The following DENND1B variants were observed in gnomAD, a reference collection of about 807,000 sequenced individuals.
DENND1B encodes DENN domain-containing protein 1B.
DENND1B carries 59 observed loss-of-function variants against 90.1 expected under a neutral mutation model. The ratio of observed to expected loss-of-function variants is 0.65; its 90% CI spans 0.53 to 0.81. The LOEUF is 0.81. Ranked by LOEUF, DENND1B falls within the 40% of genes least tolerant of loss-of-function variation. The pLI, the probability that DENND1B is intolerant of heterozygous loss-of-function variation, is 0.00. For synonymous variants in DENND1B, 337 were observed against 324.6 expected (o/e 1.04, Z -0.41); for missense variants, 862 against 912.6 (o/e 0.94, Z 0.71).
rs1395252091 is a variant in DENND1B, at chr1:197,715,087, G to A, written c.83-13C>T. ...AATACCACAGGATCTGTAAATAATT[G>A]ACATGTATAATTAAACAGCAGCAAA... On this transcript the variant is annotated splice_polypyrimidine_tract_variant and intron_variant, in intron 2 of 22. Coordinates refer to ENST00000620048, the MANE Select transcript of DENND1B (RefSeq NM_001195215.2). 6.2e-7 allele frequency: 1 copy of A among 1,606,990 alleles called. No individual in the cohort carries two copies. Among genetic ancestry groups the A allele is most frequent in the Non-Finnish European group, 8.5e-7 (1 of 1,175,202 alleles).
chr1:197,638,249 A>G (rs1679961405), intron 10 of DENND1B, among the ~76,000 whole-genome samples: 1 of 152,240 alleles, frequency 6.6e-6, no homozygotes, highest in Non-Finnish European at 1.5e-5. Flanking sequence ...TGCTCTAAAT[A>G]TCCCCAAAAC....
chr1:197,546,108 T>C, intron 17 of DENND1B, 118 bp from the exon 18 acceptor site: 1 of 646,222 alleles, frequency 1.5e-6, no homozygotes, highest in Non-Finnish European at 2.4e-6. Flanking sequence ...CTTAAAGACC[T>C]ATACAAATTA....
At chr1:197,605,393 A>T (rs1188877217) in intron 13 of DENND1B, 1 of 151,086 alleles carries the variant, frequency 6.6e-6, no homozygotes, top group Non-Finnish European at 1.5e-5. Flanking sequence ...AAAATTTCAA[A>T]GATTATTTTT....
intron 3 of DENND1B, among the ~76,000 whole-genome samples, chr1:197,700,498 A>G (rs1336168584): frequency 2.0e-5 from 3 of 152,180 alleles, no homozygotes; most frequent in African/African-American, 4.8e-5. Flanking sequence ...AAAACCAAAA[A>G]CCATAAAAAC....
At chr1:197,583,317 T>C in intron 14 of DENND1B, 64 bp from the exon 15 acceptor site, 3 of 1,438,724 alleles carry the variant, frequency 2.1e-6, no homozygotes, top group South Asian at 1.2e-5. Context: ...CTAGTCTCTT[T>C]AAATAGGTAT....
At chr1:197,723,037 C>G (rs939419912) in intron 2 of DENND1B, among the ~76,000 whole-genome samples, 4 of 152,066 alleles carry the variant, frequency 2.6e-5, no homozygotes, top group African/African-American at 7.2e-5. Context: ...ATAATTCTAA[C>G]CTTTCTAAAT....
At chr1:197,721,348 C>T (rs965469118) in intron 2 of DENND1B, among the ~76,000 whole-genome samples, 1 of 152,040 alleles carries the variant, frequency 6.6e-6, no homozygotes. Context: ...GGATTACAGG[C>T]TTGAGCCACC....
chr1:197,704,486 C>G (rs1659331007), intron 3 of DENND1B, among the ~76,000 whole-genome samples: 1 of 152,066 alleles, frequency 6.6e-6, no homozygotes, highest in African/African-American at 2.4e-5. Context: ...CAAACTGTGC[C>G]AAAACCTAGC....
chr1:197,582,502 A>T (rs1674330426), intron 15 of DENND1B, among the ~76,000 whole-genome samples: 1 of 152,208 alleles, frequency 6.6e-6, no homozygotes, highest in African/African-American at 2.4e-5. Flanking sequence ...TTAAGAACTT[A>T]ATTCAAATTT....
chr1:197,551,861 G>A (rs1448348357), intron 16 of DENND1B, among the ~76,000 whole-genome samples: 1 of 152,132 alleles, frequency 6.6e-6, no homozygotes, highest in Non-Finnish European at 1.5e-5. Context: ...CCCATGAACT[G>A]AAGGAAGCAA....
At position 197,708,021 on chromosome 1, in the gene DENND1B, G is replaced by T. The variant is rs527553994; in HGVS notation, c.126+7010C>A. 9.7e-4 allele frequency among the ~76,000 whole-genome samples: 147 copies of T among 151,282 alleles called. 1 individual carries two copies. The highest frequency in any genetic ancestry group is 3.5e-3 in the African/African-American group (143 of 41,194). ...ACCCGAATATTGCGCTTTTCAGACC[G>T]GCTTAAGAAACGGCGCACCACGAGA... On this transcript the variant is annotated intron_variant, in intron 3 of 22. Transcript: ENST00000620048.
intron 2 of DENND1B, among the ~76,000 whole-genome samples, chr1:197,724,817 C>A (rs986688914): frequency 1.3e-5 from 2 of 151,928 alleles, no homozygotes; most frequent in Non-Finnish European, 2.9e-5. Context: ...AAAATATAAT[C>A]TATGAAATTA....
intron 2 of DENND1B, chr1:197,746,872 G>T: frequency 1.2e-6 from 2 of 1,612,238 alleles, no homozygotes; most frequent in Non-Finnish European, 1.7e-6. Flanking sequence ...TTACAAAGTT[G>T]TGGCAGGCAA....
At chr1:197,648,195 C>T (rs1460288201) in intron 7 of DENND1B, among the ~76,000 whole-genome samples, 1 of 152,110 alleles carries the variant, frequency 6.6e-6, no homozygotes, top group East Asian at 1.9e-4. Context: ...ACCTGAATAG[C>T]TCTTCACAGT....
chr1:197,703,045 T>C (rs895192488), intron 3 of DENND1B, among the ~76,000 whole-genome samples: 3 of 152,128 alleles, frequency 2.0e-5, no homozygotes, highest in Admixed American at 6.5e-5. Context: ...TGGAGTGCAG[T>C]AGCAGCATCT....
intron 15 of DENND1B, among the ~76,000 whole-genome samples, chr1:197,574,300 G>C (rs901354812): frequency 1.4e-4 from 22 of 152,090 alleles, no homozygotes; most frequent in African/African-American, 5.3e-4. Context: ...ACCAATAACA[G>C]ACAATCGGAG....
chr1:197,722,425 G>A (rs1443180718), intron 2 of DENND1B, among the ~76,000 whole-genome samples: 1 of 151,908 alleles, frequency 6.6e-6, no homozygotes, highest in African/African-American at 2.4e-5. Flanking sequence ...GCTATACTTG[G>A]TTGATCTTTG....
At chr1:197,690,043 T>C in intron 3 of DENND1B, 1 of 162,396 alleles carries the variant, frequency 6.2e-6, no homozygotes, top group South Asian at 1.7e-4. Flanking sequence ...ATTGGCATTG[T>C]CCCTTTGGGG....
intron 16 of DENND1B, among the ~76,000 whole-genome samples, chr1:197,551,706 T>C (rs933871127): frequency 3.9e-5 from 6 of 152,122 alleles, no homozygotes; most frequent in Non-Finnish European, 5.9e-5. Context: ...CCACGGGTCA[T>C]AAAGATAATG....
Sources: allele counts gnomAD v4.1 joint callset (sites outside exome capture counted in the v4.1 genomes callset), GRCh38; gene constraint gnomAD v4.1.1; transcripts MANE v1.5; gene names NCBI Gene and HGNC (gene_info 2026-07-23, HGNC 2026-07-21).